Variants in ARHGAP29 observed in about 807,000 individuals in gnomAD.
ARHGAP29 encodes Rho GTPase activating protein 29, also known as rho GTPase-activating protein 29.
ARHGAP29 carries 43 observed loss-of-function variants against 122.6 expected under a neutral mutation model. The observed-to-expected ratio is 0.35, with a 90% confidence interval of 0.27 to 0.45. The LOEUF is 0.45. Ranked by LOEUF, ARHGAP29 falls within the 20% of genes least tolerant of loss-of-function variation. The probability of loss-of-function intolerance (pLI) is 1.00; values close to 1 mark genes in which losing one functional copy is unlikely to be tolerated. For missense variants in ARHGAP29, 1,303 were observed against 1,477.2 expected (o/e 0.88, Z 1.93); for synonymous variants, 506 against 497.1 (o/e 1.02, Z -0.24).
chr1:94,204,133 CTTCT>C (rs1651045403), intron 7 of ARHGAP29, 139 bp from the exon 8 acceptor site: 2 of 489,660 alleles, frequency 4.1e-6, no homozygotes, highest in Non-Finnish European at 6.8e-6. Flanking sequence ...TACAGCAATA[CTTCT>C]TTCTTCCTTT....
intron 19 of ARHGAP29, 58 bp downstream of exon 19, chr1:94,184,093 A>C: frequency 1.3e-6 from 2 of 1,545,308 alleles, no homozygotes; most frequent in Non-Finnish European, 1.8e-6. Flanking sequence ...AGCAAAATAC[A>C]AATCATATTT....
At chr1:94,302,532 C>A in the ARHGAP29 span, 1 of 317,434 alleles carries the variant, frequency 3.2e-6, no homozygotes. Context: ...CATCATGAAG[C>A]GACTCAGCAT....
chr1:94,212,873 T>C (rs1259323153), intron 3 of ARHGAP29, among the ~76,000 whole-genome samples: 1 of 152,194 alleles, frequency 6.6e-6, no homozygotes, highest in African/African-American at 2.4e-5. Context: ...ATACCTACTC[T>C]TTCCTACATT....
chr1:94,234,544 T>C (rs1340462594), intron 1 of ARHGAP29, among the ~76,000 whole-genome samples: 3 of 152,204 alleles, frequency 2.0e-5, no homozygotes, highest in Non-Finnish European at 4.4e-5. Context: ...CACTGTCCTT[T>C]TGTCAATCTC....
rs1185582152 is a variant in ARHGAP29 at position 94,173,938 on chromosome 1, A to G, written c.3717T>C (p.Cys1239=). 6.2e-7 allele frequency: 1 copy of G among 1,614,196 alleles called. No individual in the cohort carries two copies. The highest frequency in any genetic ancestry group is 8.5e-7 in the Non-Finnish European group (1 of 1,180,022). The change falls in exon 23 of 23, where the codon TGT becomes TGC. Residue 1239 remains cysteine, a synonymous_variant. Transcript: ENST00000260526. ...ELGLPDVNPM[C]QRPRLKRMQQ... is the part of the protein sequence containing the mutation. ...GCATTCGTTTTAGCCTTGGTCTCTGACACATTGGATTCACATCAGGCAAGC... is the reference window on the plus strand; with the variant it reads ...GCATTCGTTTTAGCCTTGGTCTCTGGCACATTGGATTCACATCAGGCAAGC...
chr1:94,195,046 A>AT (rs1390911989), intron 12 of ARHGAP29: 2 of 152,092 alleles, frequency 1.3e-5, no homozygotes, highest in Admixed American at 1.3e-4. Context: ...TTAGAGGGAG[A>AT]TTTTCTCGGG....
At chr1:94,249,318 G>A (rs1042436805) in intron 1 of ARHGAP29, 6 of 152,230 alleles carry the variant, frequency 3.9e-5, no homozygotes, top group Admixed American at 2.6e-4. Flanking sequence ...AAGCATGTAT[G>A]ACAGATGATG....
the ARHGAP29 span, chr1:94,302,365 G>T: frequency 3.1e-6 from 1 of 317,912 alleles, no homozygotes; most frequent in Non-Finnish European, 6.1e-6. Flanking sequence ...AGAGGGTGGA[G>T]CCAAAAGGGT....
At chr1:94,205,588 G>A in intron 6 of ARHGAP29, 47 bp downstream of exon 6, 1 of 1,528,160 alleles carries the variant, frequency 6.5e-7, no homozygotes, top group South Asian at 1.2e-5. Context: ...TTCATAGAAA[G>A]TAACTACAAG....
intron 14 of ARHGAP29, 67 bp downstream of exon 14, chr1:94,189,149 T>C (rs1649983179): frequency 6.6e-7 from 1 of 1,526,228 alleles, no homozygotes; most frequent in African/African-American, 1.4e-5. Context: ...CACCAATTAA[T>C]TTAACAATCA....
chr1:94,239,750 G>A (rs1215226459), upstream of ARHGAP29, among the ~76,000 whole-genome samples: 1 of 111,548 alleles, frequency 9.0e-6, no homozygotes, highest in African/African-American at 3.4e-5. Context: ...TGGGGGAAAT[G>A]AAGCCAATTA....
At position 94,171,850 on chromosome 1, in the gene ARHGAP29, T is replaced by C. The variant is rs1648755660; in HGVS notation, c.*2019A>G. The C allele has an allele frequency of 6.6e-6, 1 of 152,146 alleles. No individual in the cohort carries two copies. The highest frequency in any genetic ancestry group is 2.1e-4 in the South Asian group (1 of 4,822). The allele number at this position is 152,146 out of a possible 1,614,324, so 9.4% of individuals were successfully genotyped here. A position where few individuals can be genotyped will look rare whatever the true frequency, so the allele number is the denominator to read the frequency against. ...AAAGAGAACTGAAGAAGTTTAAAAG[T>C]ACATTTTCTAAGTTTTAGTATAGGA... On this transcript the variant is annotated 3_prime_UTR_variant, in exon 23 of 23. Coordinates refer to ENST00000260526, the MANE Select transcript of ARHGAP29 (RefSeq NM_004815.4).
At position 94,169,876 on chromosome 1, in the gene ARHGAP29, T is replaced by G. The variant is rs1302815170; in HGVS notation, c.*3993A>C. Among the ~76,000 whole-genome samples the G allele has an allele frequency of 6.6e-6, 1 of 151,962 alleles. No individual in the cohort carries two copies. ...CTTGAAGAGACTCCCAAAAACCAAA[T>G]CGGGGAAAATTTCAGCATGAAAATA... On this transcript the variant is annotated 3_prime_UTR_variant, in exon 23 of 23. Coordinates refer to ENST00000260526, the MANE Select transcript of ARHGAP29 (RefSeq NM_004815.4).
At position 94,179,873 on chromosome 1, in the gene ARHGAP29, C is replaced by T. The variant is rs1310660604; in HGVS notation, c.2332G>A (p.Glu778Lys). 1 of 1,613,062 alleles carries T rather than the reference C, an allele frequency of 6.2e-7. No homozygotes were observed. Among genetic ancestry groups the T allele is most frequent in the Non-Finnish European group, 8.5e-7 (1 of 1,179,572 alleles). ...KEIQHVNEEQ[E>K]TKKNSLEDKK... ...TCTTCAAGACTATTCTTTTTTGTCT[C>T]TTGTTCTTCATTTACATGTTGGATC... Residue 778 changes from glutamate to lysine, a missense_variant, in exon 20 of 23, where the codon GAG becomes AAG. By Grantham distance (56) the Glu-to-Lys change is moderately conservative. This residue lies in a region of ARHGAP29 where 620 missense variants were observed against 651.2 expected (regional missense o/e 0.95). Coordinates refer to ENST00000260526, the MANE Select transcript of ARHGAP29 (RefSeq NM_004815.4).
intron 7 of ARHGAP29, 145 bp downstream of exon 7, chr1:94,204,913 TAAG>T (rs929524378): frequency 2.0e-5 from 15 of 757,468 alleles, no homozygotes; most frequent in Non-Finnish European, 2.7e-5. Flanking sequence ...CCATCTAGTG[TAAG>T]AAGAGTCTTT....
chr1:94,294,194 G>T, the ARHGAP29 span, among the ~76,000 whole-genome samples: 1 of 152,060 alleles, frequency 6.6e-6, no homozygotes, highest in Non-Finnish European at 1.5e-5. Flanking sequence ...CATTTAATTT[G>T]GAACATATTG....
At chr1:94,287,790 TG>T in the ARHGAP29 span, among the ~76,000 whole-genome samples, 2 of 132,374 alleles carry the variant, frequency 1.5e-5, no homozygotes, top group Non-Finnish European at 3.4e-5. Flanking sequence ...CTGAGAATGA[TG>T]GTTCTCAGCT....
chr1:94,204,697 G>A (rs142087644), intron 7 of ARHGAP29, among the ~76,000 whole-genome samples: 204 of 151,732 alleles, frequency 1.3e-3, no homozygotes, highest in African/African-American at 4.8e-3. Context: ...AAACACTGAG[G>A]AAATATTAGC....
At chr1:94,178,269 C>A in intron 20 of ARHGAP29, 102 bp from the exon 21 acceptor site, 1 of 1,104,026 alleles carries the variant, frequency 9.1e-7, no homozygotes, top group East Asian at 2.4e-5. Flanking sequence ...ATGAGCTGCA[C>A]AAAAATACTA....
Sources: allele counts gnomAD v4.1 joint callset (sites outside exome capture counted in the v4.1 genomes callset), GRCh38; gene constraint gnomAD v4.1.1; regional missense constraint gnomAD v4.1.1; transcripts MANE v1.5; gene names NCBI Gene and HGNC (gene_info 2026-07-23, HGNC 2026-07-21).